CNTN5: variants seen among roughly 807,000 people sequenced by gnomAD.
CNTN5 encodes contactin-5.
A neutral mutation model predicts 129.1 loss-of-function variants in CNTN5; 77 were observed. That is an observed-to-expected ratio of 0.60 (90% confidence interval 0.50 to 0.72). CNTN5 has a LOEUF of 0.72. CNTN5 is among the 30% of genes least tolerant of loss of function. The pLI, the probability that CNTN5 is intolerant of heterozygous loss-of-function variation, is 0.00. For synonymous variants in CNTN5, 509 were observed against 465.6 expected (o/e 1.09, Z -1.20); for missense variants, 1,478 against 1,328.8 (o/e 1.11, Z -1.75).
At chr11:100,256,047 C>A in intron 17 of CNTN5, 129 bp downstream of exon 17, 1 of 802,966 alleles carries the variant, frequency 1.2e-6, no homozygotes, top group Non-Finnish European at 1.9e-6. Context: ...ACAATATTGA[C>A]AATTCTTTGC....
chr11:100,131,868 G>A (rs531946859), intron 13 of CNTN5, among the ~76,000 whole-genome samples: 1 of 152,156 alleles, frequency 6.6e-6, no homozygotes, highest in East Asian at 1.9e-4. Context: ...CATGATAAGG[G>A]CCATGATAGA....
chr11:99,684,655 A>G (rs990172011), intron 3 of CNTN5, among the ~76,000 whole-genome samples: 1 of 151,900 alleles, frequency 6.6e-6, no homozygotes, highest in Admixed American at 6.6e-5. Flanking sequence ...GTTTTGCATC[A>G]TGGATAGGTG....
intron 8 of CNTN5, among the ~76,000 whole-genome samples, chr11:99,997,241 G>A (rs960459397): frequency 6.6e-6 from 1 of 151,928 alleles, no homozygotes; most frequent in African/African-American, 2.4e-5. Flanking sequence ...ATTTCCTTCA[G>A]TCCTGCTCTG....
chr11:99,350,809 G>A (rs569298839), intron 2 of CNTN5, among the ~76,000 whole-genome samples: 9 of 152,086 alleles, frequency 5.9e-5, no homozygotes, highest in Admixed American at 1.3e-4. Flanking sequence ...TGAGGATTTC[G>A]GTAGGGGATG....
intron 3 of CNTN5, among the ~76,000 whole-genome samples, chr11:99,560,751 C>T (rs539251688): frequency 1.4e-3 from 214 of 152,196 alleles, no homozygotes; most frequent in Non-Finnish European, 1.3e-3. Flanking sequence ...CTCCTAAAAT[C>T]CATAAACATG....
At chr11:99,252,419 T>C (rs1372771966) in intron 1 of CNTN5, among the ~76,000 whole-genome samples, 1 of 151,828 alleles carries the variant, frequency 6.6e-6, no homozygotes, top group Non-Finnish European at 1.5e-5. Flanking sequence ...GAAATTATTT[T>C]GAATAATCAT....
chr11:99,171,699 A>T (rs976445388), intron 1 of CNTN5, among the ~76,000 whole-genome samples: 1 of 151,928 alleles, frequency 6.6e-6, no homozygotes, highest in African/African-American at 2.4e-5. Flanking sequence ...TAAGAAAAAA[A>T]CTCTTCGTGT....
intron 9 of CNTN5, among the ~76,000 whole-genome samples, chr11:100,053,429 CAA>C (rs1478277093): frequency 2.0e-5 from 3 of 151,426 alleles, no homozygotes; most frequent in Non-Finnish European, 4.4e-5. Context: ...AAAAATGAAC[CAA>C]AGATTTGAGT....
intron 2 of CNTN5, among the ~76,000 whole-genome samples, chr11:99,523,663 T>TCAGAACAGAACAGAA: frequency 7.5e-6 from 1 of 132,668 alleles, no homozygotes; most frequent in Admixed American, 7.8e-5. Flanking sequence ...ACAGAACAGA[T>TCAGAACAGAACAGAA]CAGAACAGAA....
At chr11:99,850,001 C>T (rs923198153) in intron 6 of CNTN5, among the ~76,000 whole-genome samples, 3 of 152,034 alleles carry the variant, frequency 2.0e-5, no homozygotes, top group Non-Finnish European at 2.9e-5. Context: ...AATTTATTAA[C>T]ACCTATGTAA....
At chr11:99,955,428 C>G (rs1950775762) in intron 7 of CNTN5, among the ~76,000 whole-genome samples, 2 of 151,914 alleles carry the variant, frequency 1.3e-5, no homozygotes, top group Admixed American at 6.6e-5. Context: ...GTGATGGTAA[C>G]AGTAAAAAAC....
At chr11:99,786,222 G>A (rs565425647) in intron 3 of CNTN5, among the ~76,000 whole-genome samples, 1 of 152,020 alleles carries the variant, frequency 6.6e-6, no homozygotes, top group Non-Finnish European at 1.5e-5. Context: ...TAGACAAACA[G>A]GGAGCCTAAT....
intron 1 of CNTN5, among the ~76,000 whole-genome samples, chr11:99,123,443 C>T (rs983193768): frequency 7.2e-5 from 11 of 152,072 alleles, no homozygotes; most frequent in African/African-American, 2.4e-4. Flanking sequence ...GAATATTAGA[C>T]CTTTGTCAGA....
At chr11:100,066,580 A>T (rs1943703657) in intron 10 of CNTN5, among the ~76,000 whole-genome samples, 1 of 152,096 alleles carries the variant, frequency 6.6e-6, no homozygotes, top group African/African-American at 2.4e-5. Context: ...GCATCTGGTG[A>T]GGCTTTAACA....
At chr11:100,335,277 C>T (rs551323613) in intron 21 of CNTN5, among the ~76,000 whole-genome samples, 56 of 152,282 alleles carry the variant, frequency 3.7e-4, no homozygotes, top group Non-Finnish European at 6.6e-4. Flanking sequence ...GGAAAGTTCA[C>T]AACTCACCCA....
At chr11:99,902,929 G>T (rs879559310) in intron 6 of CNTN5, among the ~76,000 whole-genome samples, 2 of 152,158 alleles carry the variant, frequency 1.3e-5, no homozygotes, top group African/African-American at 2.4e-5. Flanking sequence ...TAGCCAAGAT[G>T]TAAGATAAGT....
chr11:99,613,891 G>A (rs577770055), intron 3 of CNTN5, among the ~76,000 whole-genome samples: 1 of 152,154 alleles, frequency 6.6e-6, no homozygotes, highest in South Asian at 2.1e-4. Context: ...CTTTATGTTT[G>A]GCTAATTTTA....
intron 1 of CNTN5, among the ~76,000 whole-genome samples, chr11:99,158,582 G>T (rs1040564524): frequency 6.6e-6 from 1 of 151,998 alleles, no homozygotes; most frequent in Non-Finnish European, 1.5e-5. Flanking sequence ...TTAAAAACAC[G>T]ATTAAAATTC....
chr11:99,608,935 A>G (rs1950514731), intron 3 of CNTN5, among the ~76,000 whole-genome samples: 2 of 152,182 alleles, frequency 1.3e-5, no homozygotes, highest in South Asian at 2.1e-4. Context: ...AGACATTGCA[A>G]TCTGCTCTAT....
Sources: gnomAD v4.1 joint callset for allele counts (sites outside exome capture counted in the v4.1 genomes callset) on GRCh38, gnomAD v4.1.1 for gene constraint, MANE v1.5 for transcripts, NCBI Gene and HGNC (gene_info 2026-07-23, HGNC 2026-07-21) for gene names.